The following CCDC85C variants were observed in gnomAD, a reference collection of about 807,000 sequenced individuals.
CCDC85C encodes the protein coiled-coil domain-containing protein 85C.
Under a neutral mutation model 38.3 loss-of-function variants are expected in CCDC85C, and 18 were observed. The observed-to-expected ratio is 0.47, with a 90% CI of 0.33 to 0.70. The LOEUF (loss-of-function observed/expected upper bound fraction) is 0.70. CCDC85C is among the 30% of genes least tolerant of loss of function. The pLI, the probability that CCDC85C is intolerant of heterozygous loss-of-function variation, is 0.03. For missense variants in CCDC85C, 566 were observed against 621.2 expected (o/e 0.91, Z 0.94); for synonymous variants, 264 against 293.8 (o/e 0.90, Z 1.04).
At position 99,591,824 on chromosome 14, in the gene CCDC85C, T is replaced by A. The variant is rs149345226; in HGVS notation, c.793+11343A>T. 1.8e-3 allele frequency among the ~76,000 whole-genome samples: 270 copies of A among 146,004 alleles called. 2 individuals are homozygous for A. Among genetic ancestry groups the A allele is most frequent in the African/African-American group, 6.5e-3 (257 of 39,518 alleles). ...ACCTCCGCTCACGGCAACCTCCACC[T>A]CCCAAGTTCAAGAGATTCTCCTGCC... On this transcript the variant is annotated intron_variant, in intron 1 of 5. Coordinates refer to ENST00000380243, the MANE Select transcript of CCDC85C (RefSeq NM_001144995.2).
At chr14:99,565,088 C>A (rs1054909570) in intron 1 of CCDC85C, among the ~76,000 whole-genome samples, 1 of 152,192 alleles carries the variant, frequency 6.6e-6, no homozygotes, top group African/African-American at 2.4e-5. Flanking sequence ...TAGTCATGGG[C>A]CGGTGAGCTC....
At chr14:99,555,867 G>A (rs918288681) in intron 1 of CCDC85C, among the ~76,000 whole-genome samples, 44 of 152,304 alleles carry the variant, frequency 2.9e-4, no homozygotes, top group African/African-American at 1.1e-3. Flanking sequence ...ACGTAATCAA[G>A]TTCACACCCC....
Position 99,515,854 on chromosome 14 carries a change from C to G in CCDC85C, c.1170+334G>C, listed in dbSNP as rs549461478. ...GGGGGCACCAGCAAGCTGAGAGGCCCGGGGGCCAGCACCCAGGGAACACCT... is the reference window on the plus strand; with the variant it reads ...GGGGGCACCAGCAAGCTGAGAGGCCGGGGGGCCAGCACCCAGGGAACACCT... On this transcript the variant is annotated intron_variant, in intron 5 of 5. Transcript: ENST00000380243. Among the ~76,000 whole-genome samples the G allele has an allele frequency of 2.5e-4, 38 of 151,940 alleles. No individual in the cohort carries two copies. The East Asian group carries it at 6.8e-3, about 27-fold the overall frequency.
chr14:99,538,189 C>A (rs912171553), intron 1 of CCDC85C, among the ~76,000 whole-genome samples: 1 of 152,190 alleles, frequency 6.6e-6, no homozygotes, highest in Non-Finnish European at 1.5e-5. Context: ...GCAGAGGCCA[C>A]AAGGAACAAA....
chr14:99,554,068 G>A (rs1376441039), intron 1 of CCDC85C, among the ~76,000 whole-genome samples: 1 of 152,130 alleles, frequency 6.6e-6, no homozygotes, highest in African/African-American at 2.4e-5. Flanking sequence ...AGTGTGGTCG[G>A]CTCCACTTGC....
chr14:99,554,275 C>T (rs1042491631), intron 1 of CCDC85C, among the ~76,000 whole-genome samples: 1 of 152,090 alleles, frequency 6.6e-6, no homozygotes, highest in Non-Finnish European at 1.5e-5. Context: ...TCCCAGCACA[C>T]AAGCCCCACC....
At position 99,558,272 on chromosome 14, in the gene CCDC85C, TC is replaced by T. The variant is rs539309283; in HGVS notation, c.794-22185del. On this transcript the variant is annotated intron_variant, in intron 1 of 5. Transcript: ENST00000380243. The surrounding 1 kb of genome is among the most constrained non-coding windows in gnomAD (Gnocchi z 4.2). Reference sequence around the variant, plus strand: ...ACCGTAGCAAGCCGAGCAGTGTCCTTCCAAATTCATGTCCGCCCAGAACCTC... The same window carrying T: ...ACCGTAGCAAGCCGAGCAGTGTCCTTCAAATTCATGTCCGCCCAGAACCTC... 1.7e-3 allele frequency among the ~76,000 whole-genome samples: 264 copies of T among 152,298 alleles called. 1 individual carries two copies. The highest frequency in any genetic ancestry group is 5.9e-3 in the African/African-American group (245 of 41,564).
chr14:99,522,046 C>T, intron 3 of CCDC85C, 87 bp downstream of exon 3: 1 of 1,005,880 alleles, frequency 9.9e-7, no homozygotes, highest in Non-Finnish European at 1.5e-6. Flanking sequence ...CACCCAGATC[C>T]TTGTGCCCCT....
Position 99,535,886 on chromosome 14 carries a change from G to GGTGGAAA in CCDC85C, c.867+128_867+129insTTTCCAC, listed in dbSNP as rs1897586907. The GGTGGAAA allele has an allele frequency of 1.4e-6, 1 of 697,944 alleles. No homozygotes were observed. The highest frequency in any genetic ancestry group is 2.5e-6 in the Non-Finnish European group (1 of 397,718). 43.2% of individuals were successfully genotyped at this position (697,944 alleles called of 1,614,324 possible). ...AGGTCCCTGACCCCACTTTCCAGGA[G>GGTGGAAA]GTGACAGGTGGCAGTGGGAGCAGTT... On this transcript the variant is annotated intron_variant, in intron 2 of 5. Coordinates refer to ENST00000380243, the MANE Select transcript of CCDC85C (RefSeq NM_001144995.2). The surrounding 1 kb of genome is among the most constrained non-coding windows in gnomAD (Gnocchi z 5.5).
In CCDC85C at chr14:99,512,376, A is replaced by T. The variant is rs1409191259; in HGVS notation, c.*2870T>A. ...AAGCAGCACAAATACTTTGCCCCACAGTATGAAAAATATACACCTCTACCG... is the reference window on the plus strand; with the variant it reads ...AAGCAGCACAAATACTTTGCCCCACTGTATGAAAAATATACACCTCTACCG... On this transcript the variant is annotated 3_prime_UTR_variant, in exon 6 of 6. Coordinates refer to ENST00000380243, the MANE Select transcript of CCDC85C (RefSeq NM_001144995.2). 6.6e-6 allele frequency: 1 copy of T among 152,024 alleles called. No individual in the cohort carries two copies. Among genetic ancestry groups the T allele is most frequent in the Non-Finnish European group, 1.5e-5 (1 of 68,026 alleles). The allele number at this position is 152,024 out of a possible 1,614,324, so 9.4% of individuals were successfully genotyped here. A position where few individuals can be genotyped will look rare whatever the true frequency, so the allele number is the denominator to read the frequency against.
Position 99,570,720 on chromosome 14 carries a change from G to A in CCDC85C, c.793+32447C>T, listed in dbSNP as rs541546443. Among the ~76,000 whole-genome samples the A allele has an allele frequency of 1.9e-4, 29 of 152,254 alleles. 1 individual carries two copies. In the South Asian group the frequency reaches 4.8e-3, roughly 25 times the overall value. ...TCCTTATCTAGATATTCACCTTCCC[G>A]GCCCCTGAGCAGAACAGAAAGTGTG... On this transcript the variant is annotated intron_variant, in intron 1 of 5. Coordinates refer to ENST00000380243, the MANE Select transcript of CCDC85C (RefSeq NM_001144995.2).
rs1447697962 is a variant in CCDC85C at position 99,510,566 on chromosome 14, C to G, written c.*4680G>C. On this transcript the variant is annotated 3_prime_UTR_variant, in exon 6 of 6. Transcript: ENST00000380243. ...CCCCTACTCCTGGCTACCCCCCACC[C>G]CCACCCACCTACAACCCCAACTTCC... The G allele has an allele frequency of 2.2e-6, 1 of 444,870 alleles. No individual in the cohort carries two copies. Among genetic ancestry groups the G allele is most frequent in the East Asian group, 4.3e-5 (1 of 22,990 alleles). 27.6% of individuals were successfully genotyped at this position (444,870 alleles called of 1,614,324 possible). A position where few individuals can be genotyped will look rare whatever the true frequency, so the allele number is the denominator to read the frequency against.
rs143142291 is a variant in CCDC85C, at chr14:99,566,357, G to T, written c.794-30269C>A. Reference sequence around the variant, plus strand: ...TTACAGGTGGGGAAACCGAAGCTCTGGACAGTGCTGTAAATTACGTACTCA... The same window carrying T: ...TTACAGGTGGGGAAACCGAAGCTCTTGACAGTGCTGTAAATTACGTACTCA... On this transcript the variant is annotated intron_variant, in intron 1 of 5. Coordinates refer to ENST00000380243, the MANE Select transcript of CCDC85C (RefSeq NM_001144995.2). Among the ~76,000 whole-genome samples the T allele has an allele frequency of 3.6e-3, 549 of 152,324 alleles. 6 individuals carry two copies. The highest frequency in any genetic ancestry group is 0.012 in the African/African-American group (508 of 41,572).
At chr14:99,580,549 G>T (rs2054957487) in intron 1 of CCDC85C, among the ~76,000 whole-genome samples, 1 of 151,898 alleles carries the variant, frequency 6.6e-6, no homozygotes, top group Middle Eastern at 3.4e-3. Context: ...GTATGAAAAC[G>T]CCTGGCTAAT....
At chr14:99,519,397 G>A (rs909910142) in intron 3 of CCDC85C, among the ~76,000 whole-genome samples, 2 of 151,556 alleles carry the variant, frequency 1.3e-5, no homozygotes, top group Middle Eastern at 3.4e-3. Context: ...GATTATAGGC[G>A]TGAGCCACTG....
At chr14:99,521,811 A>G (rs1168651674) in intron 3 of CCDC85C, among the ~76,000 whole-genome samples, 3 of 152,186 alleles carry the variant, frequency 2.0e-5, no homozygotes, top group African/African-American at 7.2e-5. Flanking sequence ...CCTGAACCCC[A>G]AGCTCCAGGG....
In CCDC85C at chr14:99,533,794, G is replaced by A. The variant is rs1404272726; in HGVS notation, c.867+2221C>T. Among the ~76,000 whole-genome samples, 3 of 152,232 alleles carry A rather than the reference G, an allele frequency of 2.0e-5. No homozygotes were observed. Among genetic ancestry groups the A allele is most frequent in the East Asian group, 3.9e-4 (2 of 5,186 alleles). ...TCTACCTCCACCTGTGCACAGGTGG[G>A]TGCAGGGCAGGTGGACACAGGTTAT... is the stretch of plus-strand genomic sequence containing the variant. On this transcript the variant is annotated intron_variant, in intron 2 of 5. Coordinates refer to ENST00000380243, the MANE Select transcript of CCDC85C (RefSeq NM_001144995.2). This position sits in a 1 kb window ranked among gnomAD's most constrained non-coding sequence, Gnocchi z 4.2.
intron 3 of CCDC85C, among the ~76,000 whole-genome samples, chr14:99,521,298 C>T (rs1897300241): frequency 6.6e-6 from 1 of 152,218 alleles, no homozygotes; most frequent in South Asian, 2.1e-4. Flanking sequence ...ACAGGCTCTA[C>T]AGCTGCATTC....
chr14:99,577,005 C>T (rs1424958969), intron 1 of CCDC85C, among the ~76,000 whole-genome samples: 2 of 152,042 alleles, frequency 1.3e-5, no homozygotes, highest in Non-Finnish European at 2.9e-5. Context: ...CCCCTGCCCT[C>T]CCCTCCCTGA....
Sources: allele counts gnomAD v4.1 joint callset (sites outside exome capture counted in the v4.1 genomes callset), GRCh38; gene constraint gnomAD v4.1.1; non-coding constraint Gnocchi (gnomAD v3.1); transcripts MANE v1.5; gene names NCBI Gene and HGNC (gene_info 2026-07-23, HGNC 2026-07-21).